HPCAL1: variants seen among roughly 807,000 people sequenced by gnomAD.
HPCAL1 encodes hippocalcin like 1.
Under a neutral mutation model 17.1 loss-of-function variants are expected in HPCAL1, and 8 were observed. The ratio of observed to expected loss-of-function variants is 0.47; its 90% CI spans 0.27 to 0.84. HPCAL1 has a LOEUF of 0.84. HPCAL1 is among the 40% of genes least tolerant of loss of function. The probability of loss-of-function intolerance (pLI) is 0.13; values close to 1 mark genes in which losing one functional copy is unlikely to be tolerated. For missense variants in HPCAL1, 165 were observed against 271.1 expected (o/e 0.61, Z 2.75); for synonymous variants, 112 against 111.4 (o/e 1.01, Z -0.03).
rs540944061 is a variant in HPCAL1 at position 10,418,108 on chromosome 2, CATGT to C, written c.-24-1620_-24-1617del. On this transcript the variant is annotated intron_variant, in intron 2 of 4. Transcript: ENST00000307845. ...TAGAGAGGATAAGTAAAAACAAAAA[CATGT>C]ATGTACTATAAAACCTGGGATGGGC... is the stretch of plus-strand genomic sequence containing the variant. 3.3e-5 allele frequency among the ~76,000 whole-genome samples: 5 copies of C among 152,046 alleles called. No individual in the cohort carries two copies. In the South Asian group the frequency reaches 1.0e-3, roughly 32 times the overall value.
chr2:10,387,320 G>A (rs1482327604), intron 1 of HPCAL1, among the ~76,000 whole-genome samples: 1 of 152,282 alleles, frequency 6.6e-6, no homozygotes, highest in Non-Finnish European at 1.5e-5. Flanking sequence ...AAGCAGTCCT[G>A]GAGGAAGGGT....
At chr2:10,371,579 G>T (rs1403244734) in intron 1 of HPCAL1, among the ~76,000 whole-genome samples, 1 of 152,104 alleles carries the variant, frequency 6.6e-6, no homozygotes, top group African/African-American at 2.4e-5. Flanking sequence ...GGACAATTAG[G>T]AGACACCATG....
chr2:10,342,146 G>T lies in HPCAL1; in HGVS notation c.-111+38969G>T, dbSNP rs1665128942. Among the ~76,000 whole-genome samples the T allele has an allele frequency of 6.6e-6, 1 of 152,102 alleles. No homozygotes were observed. Among genetic ancestry groups the T allele is most frequent in the South Asian group, 2.1e-4 (1 of 4,830 alleles). ...GATTGTGCCGCTGTGCTCCAGCCTG[G>T]TGACAGAGTGGACCTTGTCTGTAAA... On this transcript the variant is annotated intron_variant, in intron 1 of 4. Coordinates refer to ENST00000307845, the MANE Select transcript of HPCAL1 (RefSeq NM_002149.4). The surrounding 1 kb of genome is among the most constrained non-coding windows in gnomAD (Gnocchi z 4.1).
At chr2:10,339,332 T>A (rs945469194) in intron 1 of HPCAL1, among the ~76,000 whole-genome samples, 3 of 150,856 alleles carry the variant, frequency 2.0e-5, no homozygotes, top group Admixed American at 1.3e-4. Flanking sequence ...TTTTTTTTTT[T>A]TTGAGACCTG....
chr2:10,340,712 A>G (rs1169281908), intron 1 of HPCAL1, among the ~76,000 whole-genome samples: 1 of 152,160 alleles, frequency 6.6e-6, no homozygotes, highest in South Asian at 2.1e-4. Context: ...TTTCAGACTG[A>G]GTCTTATCCC....
At chr2:10,402,933 C>A (rs1481807395) in intron 2 of HPCAL1, among the ~76,000 whole-genome samples, 2 of 152,188 alleles carry the variant, frequency 1.3e-5, no homozygotes, top group East Asian at 3.8e-4. Context: ...CTAACATTTA[C>A]AATGGTATTT....
chr2:10,415,371 C>T (rs1558531102), intron 2 of HPCAL1, among the ~76,000 whole-genome samples: 2 of 152,174 alleles, frequency 1.3e-5, no homozygotes, highest in South Asian at 2.1e-4. Flanking sequence ...GTGCCCCGCA[C>T]CCCCATCCCT....
chr2:10,411,665 A>AT (rs879408575), intron 2 of HPCAL1, among the ~76,000 whole-genome samples: 2 of 152,156 alleles, frequency 1.3e-5, no homozygotes, highest in Non-Finnish European at 2.9e-5. Context: ...CCGGCATCCC[A>AT]GTGCTCAGCC....
chr2:10,366,458 A>G (rs1306523636), intron 1 of HPCAL1, among the ~76,000 whole-genome samples: 2 of 151,536 alleles, frequency 1.3e-5, no homozygotes, highest in East Asian at 3.9e-4. Flanking sequence ...CTGGTCTCGA[A>G]CTCCTGACCT....
intron 1 of HPCAL1, among the ~76,000 whole-genome samples, chr2:10,366,527 C>G (rs556271359): frequency 1.3e-5 from 2 of 152,176 alleles, no homozygotes; most frequent in Non-Finnish European, 2.9e-5. Flanking sequence ...TGAGCCACCA[C>G]GCCTGGCCCC....
At chr2:10,309,058 A>G (rs1662796896) in intron 1 of HPCAL1, among the ~76,000 whole-genome samples, 1 of 151,488 alleles carries the variant, frequency 6.6e-6, no homozygotes, top group Admixed American at 6.6e-5. Context: ...TTTTTGAGAT[A>G]GGGTCTTGCT....
At position 10,342,822 on chromosome 2, in the gene HPCAL1, CTCT is replaced by C. The variant is rs1486512411; in HGVS notation, c.-111+39652_-111+39654del. ...ATGCTCTGGCCGGCCTCTGAGGATT[CTCT>C]TCTTCTGTCCATCTCATGGCTGAAG... On this transcript the variant is annotated intron_variant, in intron 1 of 4. Coordinates refer to ENST00000307845, the MANE Select transcript of HPCAL1 (RefSeq NM_002149.4). The surrounding 1 kb of genome is among the most constrained non-coding windows in gnomAD (Gnocchi z 4.1). Among the ~76,000 whole-genome samples the C allele has an allele frequency of 1.3e-5, 2 of 152,322 alleles. No homozygotes were observed. The highest frequency in any genetic ancestry group is 3.9e-4 in the East Asian group (2 of 5,174).
chr2:10,346,929 T>C (rs1383806911), intron 1 of HPCAL1, among the ~76,000 whole-genome samples: 1 of 147,216 alleles, frequency 6.8e-6, no homozygotes, highest in Non-Finnish European at 1.5e-5. Context: ...TTTTAAACAT[T>C]TGTTCCTCTT....
At chr2:10,397,026 A>T (rs1669091932) in intron 2 of HPCAL1, 106 bp downstream of exon 2, 1 of 152,126 alleles carries the variant, frequency 6.6e-6, no homozygotes, top group African/African-American at 2.4e-5. Context: ...TGGGGACTGG[A>T]CCCAGCTCAG....
intron 1 of HPCAL1, among the ~76,000 whole-genome samples, chr2:10,378,002 G>A (rs1667687974): frequency 6.6e-6 from 1 of 152,246 alleles, no homozygotes; most frequent in South Asian, 2.1e-4. Flanking sequence ...ATTGACCAAG[G>A]CGGTAATTTC....
intron 1 of HPCAL1, among the ~76,000 whole-genome samples, chr2:10,348,351 A>T (rs1665599114): frequency 6.6e-6 from 1 of 152,186 alleles, no homozygotes; most frequent in Non-Finnish European, 1.5e-5. Context: ...CGGGAGGCTG[A>T]GGCAGGAGAA....
intron 1 of HPCAL1, among the ~76,000 whole-genome samples, chr2:10,389,657 G>C (rs755275200): frequency 3.3e-5 from 5 of 152,220 alleles, no homozygotes; most frequent in Admixed American, 1.3e-4. Context: ...ATTAAGTAAG[G>C]CTTCGTGTCT....
intron 1 of HPCAL1, among the ~76,000 whole-genome samples, chr2:10,338,479 A>G (rs1448922006): frequency 3.3e-5 from 5 of 152,116 alleles, no homozygotes; most frequent in African/African-American, 1.2e-4. Flanking sequence ...GATCATTCCT[A>G]CTTCGTAGGG....
chr2:10,422,921 C>T, intron 3 of HPCAL1, 62 bp from the exon 4 acceptor site: 1 of 1,242,432 alleles, frequency 8.0e-7, no homozygotes, highest in Non-Finnish European at 1.2e-6. Context: ...GGAAGCCCAC[C>T]CTTGCTGCAC....
Sources: allele counts gnomAD v4.1 joint callset (sites outside exome capture counted in the v4.1 genomes callset), GRCh38; gene constraint gnomAD v4.1.1; non-coding constraint Gnocchi (gnomAD v3.1); transcripts MANE v1.5; gene names NCBI Gene and HGNC (gene_info 2026-07-23, HGNC 2026-07-21).